The following SGK3 variants were observed in gnomAD, a reference collection of about 807,000 sequenced individuals.
The protein encoded by SGK3 is serum/glucocorticoid regulated kinase family member 3, also known as serine/threonine-protein kinase Sgk3.
Under a neutral mutation model 68.5 loss-of-function variants are expected in SGK3, and 47 were observed. The ratio of observed to expected loss-of-function variants is 0.69; its 90% CI spans 0.54 to 0.87. The LOEUF is 0.87. Ranked by LOEUF, SGK3 falls within the 40% of genes least tolerant of loss-of-function variation. The pLI, the probability that SGK3 is intolerant of heterozygous loss-of-function variation, is 0.00. For synonymous variants in SGK3, 181 were observed against 189.1 expected (o/e 0.96, Z 0.35); for missense variants, 479 against 575.5 (o/e 0.83, Z 1.72).
intron 1 of SGK3, among the ~76,000 whole-genome samples, chr8:66,753,773 C>T (rs1290221133): frequency 6.6e-6 from 1 of 152,048 alleles, no homozygotes; most frequent in South Asian, 2.1e-4. Flanking sequence ...GAGCCAAGAT[C>T]GTGCCATTGC....
rs1398014085 is a variant in SGK3, at chr8:66,822,445, A to G, written c.403A>G (p.Arg135Gly). The change falls in exon 6 of 17, where the codon AGA becomes GGA. Residue 135 changes from arginine (R) to glycine (G), a missense_variant. By Grantham distance (125) the Arg-to-Gly change is moderately radical (BLOSUM62 -2). Coordinates refer to ENST00000521198, the MANE Select transcript of SGK3 (RefSeq NM_001033578.3). ...AGATCCATCTGAAGATGAGGATGAA[A>G]GAAGTTCTCAGAAGGTAGTAAGAGG... ...QSDPSEDEDE[R>G]SSQKLHSTSQ... is the part of the protein sequence containing the mutation. 1 of 1,611,500 alleles carries G rather than the reference A, an allele frequency of 6.2e-7. No homozygotes were observed. The highest frequency in any genetic ancestry group is 1.1e-5 in the South Asian group (1 of 90,484).
At position 66,758,002 on chromosome 8, in the gene SGK3, C is replaced by CACACACT. The variant is rs1328460659; in HGVS notation, c.-121-35608_-121-35607insTACACAC. On this transcript the variant is annotated intron_variant, in intron 1 of 16. Transcript: ENST00000521198. ...CACACACTATATGTATATATATACA[C>CACACACT]ACACACACTACACACACACACACAC... 2.5e-3 allele frequency among the ~76,000 whole-genome samples: 364 copies of CACACACT among 143,080 alleles called. 3 individuals carry two copies. Among genetic ancestry groups the CACACACT allele is most frequent in the African/African-American group, 9.7e-3 (355 of 36,556 alleles). The allele number at this position is 143,080 out of a possible 152,430, so 93.9% of individuals were successfully genotyped here. A position where few individuals can be genotyped will look rare whatever the true frequency, so the allele number is the denominator to read the frequency against.
chr8:66,785,104 A>G (rs1807146119), intron 1 of SGK3, among the ~76,000 whole-genome samples: 1 of 152,272 alleles, frequency 6.6e-6, no homozygotes, highest in African/African-American at 2.4e-5. Context: ...TGGCAGAATC[A>G]GAAATCTGCT....
intron 1 of SGK3, among the ~76,000 whole-genome samples, chr8:66,745,964 A>C (rs1267958704): frequency 6.6e-6 from 1 of 152,202 alleles, no homozygotes; most frequent in African/African-American, 2.4e-5. Flanking sequence ...TTAGGGGATT[A>C]AGTTTCAACT....
chr8:66,726,794 CT>C (rs1430192220), intron 1 of SGK3, among the ~76,000 whole-genome samples: 1 of 114,962 alleles, frequency 8.7e-6, no homozygotes, highest in African/African-American at 5.1e-5. Flanking sequence ...GAGCAAGACC[CT>C]GTCTGTAAAA....
intron 3 of SGK3, among the ~76,000 whole-genome samples, chr8:66,800,684 C>T (rs1194953291): frequency 1.3e-5 from 2 of 152,216 alleles, no homozygotes; most frequent in Admixed American, 6.5e-5. Flanking sequence ...TTTAGCATTT[C>T]ACTATGTATG....
At chr8:66,741,182 A>G (rs185550651) in intron 1 of SGK3, among the ~76,000 whole-genome samples, 1 of 152,246 alleles carries the variant, frequency 6.6e-6, no homozygotes, top group East Asian at 1.9e-4. Flanking sequence ...AGGGAGTACA[A>G]ATTGGTTGCT....
chr8:66,813,828 C>T, intron 4 of SGK3, 25 bp from the exon 5 acceptor site: 1 of 1,541,238 alleles, frequency 6.5e-7, no homozygotes, highest in Non-Finnish European at 8.7e-7. Context: ...ATAAATAATC[C>T]TAATAGTTTA....
At chr8:66,796,847 A>G (rs1288006685) in intron 2 of SGK3, among the ~76,000 whole-genome samples, 2 of 152,132 alleles carry the variant, frequency 1.3e-5, no homozygotes, top group African/African-American at 4.8e-5. Flanking sequence ...CAAGACAGAC[A>G]ATAAGGAAAT....
At chr8:66,837,676 C>G (rs1312239520) in intron 10 of SGK3, among the ~76,000 whole-genome samples, 1 of 152,092 alleles carries the variant, frequency 6.6e-6, no homozygotes, top group Non-Finnish European at 1.5e-5. Flanking sequence ...CCCAGCTACT[C>G]AGGAGGCTGA....
intron 5 of SGK3, among the ~76,000 whole-genome samples, chr8:66,821,543 C>T (rs1377712637): frequency 3.3e-5 from 5 of 151,258 alleles, no homozygotes; most frequent in African/African-American, 7.3e-5. Flanking sequence ...GACAGAGTCT[C>T]GCTCTGTCAC....
chr8:66,831,140 C>A, intron 7 of SGK3, 114 bp from the exon 8 acceptor site: 1 of 1,231,664 alleles, frequency 8.1e-7, no homozygotes, highest in Non-Finnish European at 1.2e-6. Flanking sequence ...AGTTAATAGG[C>A]TGAAGTGTTT....
intron 1 of SGK3, among the ~76,000 whole-genome samples, chr8:66,761,148 C>T (rs1036520860): frequency 2.0e-5 from 3 of 152,020 alleles, no homozygotes; most frequent in Admixed American, 2.0e-4. Flanking sequence ...CTCTGTTGCC[C>T]AGGCTGGAGT....
chr8:66,760,158 G>C (rs1806111453), intron 1 of SGK3, among the ~76,000 whole-genome samples: 1 of 152,050 alleles, frequency 6.6e-6, no homozygotes, highest in South Asian at 2.1e-4. Context: ...ATCACTAAGT[G>C]AGTGCCTCAG....
At chr8:66,748,922 T>A (rs1168934623) in intron 1 of SGK3, among the ~76,000 whole-genome samples, 1 of 151,614 alleles carries the variant, frequency 6.6e-6, no homozygotes, top group Non-Finnish European at 1.5e-5. Flanking sequence ...TTAGACAAGG[T>A]CTCTCTCTGT....
chr8:66,821,391 G>A (rs190905063), intron 5 of SGK3, among the ~76,000 whole-genome samples: 53 of 151,960 alleles, frequency 3.5e-4, no homozygotes, highest in African/African-American at 1.2e-3. Context: ...ATTCCCTATA[G>A]GCAGTTACCA....
chr8:66,841,176 G>T, intron 13 of SGK3, 66 bp downstream of exon 13: 1 of 1,248,254 alleles, frequency 8.0e-7, no homozygotes, highest in Non-Finnish European at 1.1e-6. Context: ...ATTACAGATT[G>T]CATATATAAA....
chr8:66,779,739 T>C lies in SGK3; in HGVS notation c.-121-13877T>C, dbSNP rs142816246. Among the ~76,000 whole-genome samples the C allele has an allele frequency of 5.7e-3, 859 of 150,422 alleles. 5 individuals are homozygous for C. The highest frequency in any genetic ancestry group is 0.01 in the Middle Eastern group (3 of 288). On this transcript the variant is annotated intron_variant, in intron 1 of 16. Transcript: ENST00000521198. The stretch of plus-strand genomic sequence containing the variant: ...TAAAATATTAAGGTAAAATTCTGCA[T>C]GTTGTCTTTACTAATAACATAGCCA...
chr8:66,714,522 T>C (rs1264414320), intron 1 of SGK3, among the ~76,000 whole-genome samples: 1 of 152,174 alleles, frequency 6.6e-6, no homozygotes, highest in Admixed American at 6.5e-5. Flanking sequence ...CTTATCTCTC[T>C]CTCATATATT....
Sources: gnomAD v4.1 joint callset for allele counts (sites outside exome capture counted in the v4.1 genomes callset) on GRCh38, gnomAD v4.1.1 for gene constraint, MANE v1.5 for transcripts, NCBI Gene and HGNC (gene_info 2026-07-23, HGNC 2026-07-21) for gene names.